Variants in TYW1 observed in about 807,000 individuals in gnomAD.
TYW1 encodes S-adenosyl-L-methionine-dependent tRNA 4-demethylwyosine synthase TYW1.
In TYW1, 46 loss-of-function variants were observed where a neutral mutation model predicts 96.2. That is an observed-to-expected ratio of 0.48 (90% CI 0.38 to 0.61). TYW1 has a LOEUF of 0.61. TYW1 is among the 20% of genes least tolerant of loss of function. The pLI is 0.00. For missense variants in TYW1, 684 were observed against 909.6 expected (o/e 0.75, Z 3.19); for synonymous variants, 274 against 323.0 (o/e 0.85, Z 1.63).
rs1275646346 is a variant in TYW1 at position 67,098,530 on chromosome 7, G to A, written c.1385-11G>A. ...CTTATGTAGCTGGGTCCTTCTCACT[G>A]TATTCTCCAGGAGTACCGGGCGTCA... On this transcript the variant is annotated splice_polypyrimidine_tract_variant and intron_variant, in intron 11 of 15. Coordinates refer to ENST00000359626, the MANE Select transcript of TYW1 (RefSeq NM_018264.4). The A allele has an allele frequency of 1.9e-6, 3 of 1,555,794 alleles. No homozygotes were observed. Among genetic ancestry groups the A allele is most frequent in the Middle Eastern group, 1.7e-4 (1 of 5,820 alleles).
chr7:67,100,255 T>C (rs1465714057), intron 12 of TYW1, among the ~76,000 whole-genome samples: 2 of 152,094 alleles, frequency 1.3e-5, no homozygotes, highest in East Asian at 3.9e-4. Flanking sequence ...CAAAGGCATC[T>C]CCTGGGGCCT....
intron 6 of TYW1, among the ~76,000 whole-genome samples, chr7:67,018,917 C>T (rs1794120046): frequency 6.8e-6 from 1 of 146,422 alleles, no homozygotes; most frequent in African/African-American, 2.5e-5. Context: ...GATCATGCGA[C>T]TGCACTCCAG....
intron 6 of TYW1, 22 bp from the exon 7 acceptor site, chr7:67,024,878 T>C: frequency 6.2e-7 from 1 of 1,613,698 alleles, no homozygotes; most frequent in Non-Finnish European, 8.5e-7. Flanking sequence ...AACAATGTAT[T>C]TCTGAAGCAT....
At chr7:67,170,628 A>T (rs901093462) in intron 13 of TYW1, among the ~76,000 whole-genome samples, 4 of 152,152 alleles carry the variant, frequency 2.6e-5, no homozygotes, top group Non-Finnish European at 5.9e-5. Context: ...TATTACCCCA[A>T]CATAGAATCC....
chr7:67,000,238 A>G (rs999078244), intron 3 of TYW1, among the ~76,000 whole-genome samples: 14 of 151,972 alleles, frequency 9.2e-5, no homozygotes, highest in African/African-American at 3.4e-4. Flanking sequence ...GCCCAGTCCC[A>G]TTCTCTAATT....
chr7:67,229,364 C>G (rs986587423), intron 15 of TYW1, among the ~76,000 whole-genome samples: 3 of 150,888 alleles, frequency 2.0e-5, no homozygotes, highest in African/African-American at 4.9e-5. Flanking sequence ...GTAGCGAAAC[C>G]CCATTTCTAC....
At chr7:67,005,057 G>C (rs555463788) in intron 3 of TYW1, among the ~76,000 whole-genome samples, 1 of 152,118 alleles carries the variant, frequency 6.6e-6, no homozygotes, top group Admixed American at 6.6e-5. Context: ...TGCCCTGCTT[G>C]AAATTTCTTT....
chr7:67,116,998 C>T (rs1441577883), intron 12 of TYW1, among the ~76,000 whole-genome samples: 2 of 152,112 alleles, frequency 1.3e-5, no homozygotes, highest in Non-Finnish European at 2.9e-5. Context: ...TGTGACTCTG[C>T]GTCCTTTGAG....
At chr7:67,204,504 CT>C (rs1205875770) in intron 15 of TYW1, among the ~76,000 whole-genome samples, 1 of 151,238 alleles carries the variant, frequency 6.6e-6, no homozygotes, top group South Asian at 2.1e-4. Context: ...TCCTTCTTCT[CT>C]TTTTTTATTT....
chr7:67,096,545 C>A (rs1473260077), intron 11 of TYW1, among the ~76,000 whole-genome samples: 1 of 152,066 alleles, frequency 6.6e-6, no homozygotes, highest in Non-Finnish European at 1.5e-5. Context: ...TGATTTAGAA[C>A]TATCAGGAGT....
chr7:67,133,718 T>G (rs1798161544), intron 13 of TYW1, among the ~76,000 whole-genome samples: 1 of 147,914 alleles, frequency 6.8e-6, no homozygotes, highest in Admixed American at 6.7e-5. Flanking sequence ...ATTTGAGGTT[T>G]TATTTTATAA....
chr7:67,145,261 G>T (rs1245693933), intron 13 of TYW1, among the ~76,000 whole-genome samples: 2 of 147,826 alleles, frequency 1.4e-5, no homozygotes, highest in African/African-American at 5.1e-5. Context: ...CCATTCTCCT[G>T]CCTCAGCCTC....
chr7:67,157,127 C>T (rs1323562380), intron 13 of TYW1, among the ~76,000 whole-genome samples: 1 of 152,010 alleles, frequency 6.6e-6, no homozygotes, highest in East Asian at 1.9e-4. Context: ...AGTCAACCAT[C>T]TTGATGACAT....
chr7:67,127,469 T>C (rs768060488), intron 13 of TYW1, among the ~76,000 whole-genome samples: 1 of 152,130 alleles, frequency 6.6e-6, no homozygotes, highest in Non-Finnish European at 1.5e-5. Flanking sequence ...CTCCTTATAA[T>C]AACAAAATAA....
At chr7:67,082,399 G>A (rs1256107964) in intron 10 of TYW1, among the ~76,000 whole-genome samples, 2 of 152,142 alleles carry the variant, frequency 1.3e-5, no homozygotes, top group African/African-American at 4.8e-5. Context: ...GGCCATAATC[G>A]GTGCCTGTGG....
intron 15 of TYW1, among the ~76,000 whole-genome samples, chr7:67,207,087 C>G (rs547438310): frequency 8.5e-5 from 13 of 152,214 alleles, no homozygotes; most frequent in Non-Finnish European, 5.9e-5. Context: ...TGTAGTTCCA[C>G]TCTTTAAAAT....
chr7:67,035,983 A>G (rs180859128), intron 7 of TYW1, among the ~76,000 whole-genome samples: 4 of 147,470 alleles, frequency 2.7e-5, no homozygotes, highest in East Asian at 4.0e-4. Context: ...GGCCGGTTCT[A>G]TTGTTCTTAA....
chr7:67,234,849 G>A (rs960166392), intron 15 of TYW1, among the ~76,000 whole-genome samples: 3 of 152,044 alleles, frequency 2.0e-5, no homozygotes, highest in African/African-American at 7.2e-5. Context: ...GTTCTCTTAT[G>A]AAGTGCATTG....
At chr7:67,081,737 T>C (rs1161745475) in intron 10 of TYW1, among the ~76,000 whole-genome samples, 1 of 151,364 alleles carries the variant, frequency 6.6e-6, no homozygotes, top group Non-Finnish European at 1.5e-5. Context: ...TTCTTCTTTC[T>C]TTTTCTCATC....
Sources: gnomAD v4.1 joint callset for allele counts (sites outside exome capture counted in the v4.1 genomes callset) on GRCh38, gnomAD v4.1.1 for gene constraint, MANE v1.5 for transcripts, NCBI Gene and HGNC (gene_info 2026-07-23, HGNC 2026-07-21) for gene names.